Variants in LYPLA1 observed in about 807,000 individuals in gnomAD.
The protein encoded by LYPLA1 is lysophospholipase 1.
In LYPLA1, 17 loss-of-function variants were observed where a neutral mutation model predicts 34.0. The observed-to-expected ratio is 0.50, with a 90% CI of 0.34 to 0.75. LYPLA1 has a LOEUF of 0.75. Ranked by LOEUF, LYPLA1 falls within the 30% of genes least tolerant of loss-of-function variation. The pLI is 0.01. For synonymous variants in LYPLA1, 98 were observed against 100.8 expected (o/e 0.97, Z 0.17); for missense variants, 203 against 288.8 (o/e 0.70, Z 2.15).
At chr8:54,071,354 G>A (rs1807449607) in intron 2 of LYPLA1, among the ~76,000 whole-genome samples, 1 of 152,196 alleles carries the variant, frequency 6.6e-6, no homozygotes, top group African/African-American at 2.4e-5. Context: ...AGTGTTGTAT[G>A]TTGGTTATGT....
intron 2 of LYPLA1, among the ~76,000 whole-genome samples, chr8:54,076,891 C>T (rs1807946970): frequency 6.6e-6 from 1 of 152,158 alleles, no homozygotes; most frequent in African/African-American, 2.4e-5. Context: ...GTTCGGGGCT[C>T]TCAGCTCTGA....
intron 8 of LYPLA1, among the ~76,000 whole-genome samples, chr8:54,050,654 G>A (rs577237892): frequency 5.3e-5 from 8 of 152,072 alleles, no homozygotes; most frequent in Admixed American, 5.2e-4. Flanking sequence ...AGTTTTTCAG[G>A]GCACCTTTTG....
chr8:54,072,225 C>A (rs1028379415), intron 2 of LYPLA1, among the ~76,000 whole-genome samples: 2 of 152,110 alleles, frequency 1.3e-5, no homozygotes, highest in Admixed American at 6.6e-5. Context: ...ACACCACATA[C>A]AAAAATCAAC....
At chr8:54,094,410 T>C (rs1474103128) in intron 2 of LYPLA1, among the ~76,000 whole-genome samples, 2 of 152,260 alleles carry the variant, frequency 1.3e-5, no homozygotes, top group South Asian at 2.1e-4. Flanking sequence ...CACTCCACAG[T>C]TGCACTGTTG....
At chr8:54,067,630 A>G (rs957498260) in intron 2 of LYPLA1, among the ~76,000 whole-genome samples, 2 of 151,970 alleles carry the variant, frequency 1.3e-5, no homozygotes, top group African/African-American at 4.8e-5. Flanking sequence ...TATTATCTCT[A>G]CTAAAGAATA....
intron 2 of LYPLA1, among the ~76,000 whole-genome samples, chr8:54,085,008 C>T (rs967160575): frequency 2.0e-5 from 3 of 149,434 alleles, no homozygotes; most frequent in Non-Finnish European, 2.9e-5. Context: ...CTCTTCCTCT[C>T]CCTCTCCCTC....
chr8:54,088,511 T>C (rs1808969922), intron 2 of LYPLA1, among the ~76,000 whole-genome samples: 1 of 152,214 alleles, frequency 6.6e-6, no homozygotes, highest in Admixed American at 6.5e-5. Flanking sequence ...CCATTTATCT[T>C]GGCAGAAGTG....
chr8:54,048,929 T>C (rs16919750), intron 8 of LYPLA1, among the ~76,000 whole-genome samples: 19,183 of 152,198 alleles, frequency 0.13, 3,205 homozygotes, highest in African/African-American at 0.39. Context: ...AGAGTTGTTG[T>C]AGACTCATCT....
At chr8:54,091,531 A>G (rs963000888) in intron 2 of LYPLA1, among the ~76,000 whole-genome samples, 2 of 142,408 alleles carry the variant, frequency 1.4e-5, no homozygotes, top group Non-Finnish European at 3.0e-5. Context: ...AAAGAAAAGA[A>G]AAAAGAAAAG....
chr8:54,072,841 G>C (rs1470171570), intron 2 of LYPLA1, among the ~76,000 whole-genome samples: 1 of 151,270 alleles, frequency 6.6e-6, no homozygotes, highest in Admixed American at 6.6e-5. Flanking sequence ...TTAGCCAGGC[G>C]TGGTGGTGCG....
At chr8:54,045,278 A>G (rs953720970), downstream of LYPLA1, among the ~76,000 whole-genome samples, 3 of 152,338 alleles carry the variant, frequency 2.0e-5, no homozygotes, top group Non-Finnish European at 4.4e-5. Flanking sequence ...AGAGGATTTA[A>G]AACTATTTAT....
intron 2 of LYPLA1, among the ~76,000 whole-genome samples, chr8:54,080,524 T>C (rs538015994): frequency 6.6e-6 from 1 of 152,348 alleles, no homozygotes; most frequent in East Asian, 1.9e-4. Flanking sequence ...TTACGAAGTA[T>C]ATTGAGAAAT....
At chr8:54,063,254 G>A in intron 4 of LYPLA1, 74 bp downstream of exon 4, 1 of 956,986 alleles carries the variant, frequency 1.0e-6, no homozygotes. Flanking sequence ...AAAAACTGCT[G>A]TACACAAAAG....
chr8:54,054,746 C>G (rs985209438), intron 6 of LYPLA1: 1 of 211,208 alleles, frequency 4.7e-6, no homozygotes, highest in Non-Finnish European at 9.3e-6. Flanking sequence ...ATTCTCTTGT[C>G]TTCCACTTTA....
In LYPLA1 at chr8:54,063,429, T is replaced by A. The variant is rs543080352; in HGVS notation, c.168-54A>T. 8.4e-5 allele frequency: 91 copies of A among 1,087,910 alleles called. 1 individual carries two copies. In the African/African-American group the frequency reaches 1.4e-3, roughly 17 times the overall value. The allele number at this position is 1,087,910 out of a possible 1,614,324, so 67.4% of individuals were successfully genotyped here. A position where few individuals can be genotyped will look rare whatever the true frequency, so the allele number is the denominator to read the frequency against. On this transcript the variant is annotated intron_variant, in intron 3 of 8. Transcript: ENST00000316963. ...CAGAATAACAAAGCATAAAAACTGA[T>A]AAATTCCATTAATCAAAAACAGATA... is the stretch of plus-strand genomic sequence containing the variant.
At chr8:54,050,666 T>TA (rs1409492090) in intron 8 of LYPLA1, among the ~76,000 whole-genome samples, 31 of 152,332 alleles carry the variant, frequency 2.0e-4, no homozygotes, top group African/African-American at 7.5e-4. Context: ...CACCTTTTGT[T>TA]ATTTTCCAAG....
chr8:54,078,583 T>C (rs1194520097), intron 2 of LYPLA1, among the ~76,000 whole-genome samples: 3 of 152,214 alleles, frequency 2.0e-5, no homozygotes, highest in Admixed American at 6.5e-5. Context: ...CGCATCTATA[T>C]TCAGCTAAAG....
rs748217664 is a variant in LYPLA1, at chr8:54,100,900, GTACC to G, written c.101+4_101+7del. ...ATTACTGTTACTATTAATAATAATG[GTACC>G]TACCCAGTATCTCCCAATCCATGCA... On this transcript the variant is annotated splice_donor_5th_base_variant and intron_variant, in intron 2 of 8. Coordinates refer to ENST00000316963, the MANE Select transcript of LYPLA1 (RefSeq NM_006330.4). 6.2e-7 allele frequency: 1 copy of G among 1,605,906 alleles called. No homozygotes were observed. Among genetic ancestry groups the G allele is most frequent in the East Asian group, 2.2e-5 (1 of 44,826 alleles).
rs1298930766 is a variant in LYPLA1 at position 54,047,475 on chromosome 8, T to G, written c.*590A>C. The G allele has an allele frequency of 3.3e-5, 5 of 151,684 alleles. No homozygotes were observed. Among genetic ancestry groups the G allele is most frequent in the African/African-American group, 1.2e-4 (5 of 41,258 alleles). The allele number at this position is 151,684 out of a possible 1,614,324, so 9.4% of individuals were successfully genotyped here. On this transcript the variant is annotated 3_prime_UTR_variant, in exon 9 of 9. Coordinates refer to ENST00000316963, the MANE Select transcript of LYPLA1 (RefSeq NM_006330.4). ...GGAAAATAAAAGCCTGGTCCCAAAATAAAAGGGCCATTAATTGAAGAGAAC... is the reference window on the plus strand; with the variant it reads ...GGAAAATAAAAGCCTGGTCCCAAAAGAAAAGGGCCATTAATTGAAGAGAAC...
Sources: allele counts gnomAD v4.1 joint callset (sites outside exome capture counted in the v4.1 genomes callset), GRCh38; gene constraint gnomAD v4.1.1; transcripts MANE v1.5; gene names NCBI Gene and HGNC (gene_info 2026-07-23, HGNC 2026-07-21).